LYST: variants seen among roughly 807,000 people sequenced by gnomAD.
LYST encodes the protein lysosomal trafficking regulator, also known as lysosomal-trafficking regulator.
Under a neutral mutation model 413.6 loss-of-function variants are expected in LYST, and 192 were observed. That is an observed-to-expected ratio of 0.46 (90% CI 0.41 to 0.52). The LOEUF (loss-of-function observed/expected upper bound fraction) is 0.52. Among genes scored for constraint, LYST ranks in the 20% least tolerant of loss-of-function variants. The pLI, the probability that LYST is intolerant of heterozygous loss-of-function variation, is 0.00. For synonymous variants in LYST, 1,525 were observed against 1,567.3 expected (o/e 0.97, Z 0.64); for missense variants, 3,815 against 4,499.9 (o/e 0.85, Z 4.35).
chr1:235,746,476 C>T lies in LYST; in HGVS notation c.7832G>A (p.Arg2611His), dbSNP rs147536126. 4.7e-5 allele frequency: 76 copies of T among 1,613,642 alleles called. No homozygotes were observed. Among genetic ancestry groups the T allele is most frequent in the Non-Finnish European group, 5.9e-5 (70 of 1,179,846 alleles). The stretch of plus-strand genomic sequence containing the variant: ...ATGAAGCTCATCATTTGCCACTGAA[C>T]GCATTTTCATCAGAAGCGATTCAGT... Reference protein sequence around the residue: ...AQTESLLMKMRSVANDELHVM... With the variant: ...AQTESLLMKMHSVANDELHVM... The change falls in exon 29 of 53, where the codon CGT becomes CAT. Residue 2611 changes from arginine (R) to histidine (H), a missense_variant. Coordinates refer to ENST00000389793, the MANE Select transcript of LYST (RefSeq NM_000081.4).
At chr1:235,675,467 C>T (rs1006168570) in intron 50 of LYST, among the ~76,000 whole-genome samples, 3 of 152,106 alleles carry the variant, frequency 2.0e-5, no homozygotes, top group South Asian at 2.1e-4. Context: ...TACGATCGGT[C>T]GGTCGGACGC....
At position 235,854,544 on chromosome 1, in the gene LYST, T is replaced by C. The variant is rs1322756925; in HGVS notation, c.-98+12299A>G. Among the ~76,000 whole-genome samples the C allele has an allele frequency of 6.6e-6, 1 of 152,190 alleles. No individual in the cohort carries two copies. The highest frequency in any genetic ancestry group is 1.5e-5 in the Non-Finnish European group (1 of 68,028). On this transcript the variant is annotated intron_variant, in intron 1 of 52. Coordinates refer to ENST00000389793, the MANE Select transcript of LYST (RefSeq NM_000081.4). This position sits in a 1 kb window ranked among gnomAD's most constrained non-coding sequence, Gnocchi z 4.1. ...CCTCTTGACCACTTACTGGTTCACC[T>C]CTGCATCTGCTGCTCTATGACCTTG...
chr1:235,729,459 T>C (rs933249932), intron 37 of LYST, 137 bp downstream of exon 37: 6 of 689,228 alleles, frequency 8.7e-6, no homozygotes, highest in Non-Finnish European at 1.6e-5. Flanking sequence ...ACATATAATG[T>C]TAAGGCAAAT....
chr1:235,710,008 C>T (rs1662289342), intron 43 of LYST, among the ~76,000 whole-genome samples: 1 of 152,048 alleles, frequency 6.6e-6, no homozygotes, highest in African/African-American at 2.4e-5. Context: ...AAAAAATTAT[C>T]CTAAAGGAAA....
At chr1:235,737,895 G>C in intron 31 of LYST, 3 of 1,137,584 alleles carry the variant, frequency 2.6e-6, no homozygotes, top group Non-Finnish European at 3.2e-6. Context: ...GGTAGCGAAG[G>C]TGCTGGAGCC....
intron 21 of LYST, 51 bp from the exon 22 acceptor site, chr1:235,762,902 C>T (rs569503297): frequency 2.2e-5 from 30 of 1,388,088 alleles, no homozygotes; most frequent in East Asian, 4.6e-5. Context: ...AAGGATAAAA[C>T]GAAAATATAA....
At chr1:235,772,753 A>G (rs140059213) in intron 19 of LYST, among the ~76,000 whole-genome samples, 182 of 152,210 alleles carry the variant, frequency 1.2e-3, no homozygotes, top group African/African-American at 4.3e-3. Flanking sequence ...CCTCTCCTGG[A>G]CCTGACTCCC....
At chr1:235,882,859 C>A (rs924738806) in intron 1 of LYST, among the ~76,000 whole-genome samples, 5 of 152,166 alleles carry the variant, frequency 3.3e-5, no homozygotes, top group Non-Finnish European at 7.4e-5. Context: ...TACGCCATGA[C>A]CCAGACAAAT....
chr1:235,663,127 G>T, intron 52 of LYST, 49 bp from the exon 53 acceptor site: 1 of 1,297,022 alleles, frequency 7.7e-7, no homozygotes, highest in Non-Finnish European at 1.1e-6. Context: ...TCTTAAAAGT[G>T]TATTAGCATA....
chr1:235,758,333 C>T (rs1165110705), intron 23 of LYST, among the ~76,000 whole-genome samples: 1 of 152,162 alleles, frequency 6.6e-6, no homozygotes, highest in Non-Finnish European at 1.5e-5. Context: ...AAATACAACG[C>T]CTAGGCAATG....
rs765542988 is a variant in LYST at position 235,664,426 on chromosome 1, T to C, written c.11195+39A>G. The C allele has an allele frequency of 6.3e-7, 1 of 1,591,878 alleles. No individual in the cohort carries two copies. Among genetic ancestry groups the C allele is most frequent in the Non-Finnish European group, 8.6e-7 (1 of 1,160,354 alleles). On this transcript the variant is annotated intron_variant, in intron 51 of 52. Transcript: ENST00000389793. The surrounding 1 kb of genome is among the most constrained non-coding windows in gnomAD (Gnocchi z 4.5). ...AATTTCTGAAACTCCTGTGTCCTTATGAATGAAATCAAAAAAAGAGAATCC... is the reference window on the plus strand; with the variant it reads ...AATTTCTGAAACTCCTGTGTCCTTACGAATGAAATCAAAAAAAGAGAATCC...
chr1:235,687,010 A>T lies in LYST; in HGVS notation c.10739T>A (p.Leu3580Gln). Reference protein sequence around the residue: ...SCAWVPDSCQLFTGSKCGVIT... With the variant: ...SCAWVPDSCQQFTGSKCGVIT... ...GACACCGCATTTGCTTCCAGTAAAC[A>T]GCTGGCAACTGTCAGGCACCCAAGC... is the stretch of plus-strand genomic sequence containing the variant. Residue 3580 changes from leucine to glutamine, a missense_variant, in exon 48 of 53, where the codon CTG becomes CAG. By Grantham distance (113) the Leu-to-Gln change is moderately radical. Transcript: ENST00000389793. 1 of 1,614,120 alleles carries T rather than the reference A, an allele frequency of 6.2e-7. No homozygotes were observed. Among genetic ancestry groups the T allele is most frequent in the Non-Finnish European group, 8.5e-7 (1 of 1,179,982 alleles).
rs71174462 is a variant in LYST at position 235,798,578 on chromosome 1, T to TAAAAAAAAAAAAAAAAAAAA, written c.4006+1722_4006+1741dup. ...TGGCGACAAGGGCAAAACCCTGTCA[T>TAAAAAAAAAAAAAAAAAAAA]AAAAAAAAAAAAAAAAAAAAAAAAA... is the stretch of plus-strand genomic sequence containing the variant. On this transcript the variant is annotated intron_variant, in intron 10 of 52. Coordinates refer to ENST00000389793, the MANE Select transcript of LYST (RefSeq NM_000081.4). Among the ~76,000 whole-genome samples the TAAAAAAAAAAAAAAAAAAAA allele has an allele frequency of 1.5e-4, 12 of 81,710 alleles. 1 individual carries two copies. The highest frequency in any genetic ancestry group is 2.8e-4 in the Admixed American group (2 of 7,196). The allele number at this position is 81,710 out of a possible 152,430, so 53.6% of individuals were successfully genotyped here.
intron 1 of LYST, among the ~76,000 whole-genome samples, chr1:235,877,974 TAG>T (rs749363982): frequency 6.6e-6 from 1 of 152,008 alleles, no homozygotes; most frequent in Non-Finnish European, 1.5e-5. Context: ...AGGGTGTTAC[TAG>T]ATTCTAGAAA....
intron 38 of LYST, among the ~76,000 whole-genome samples, chr1:235,725,160 G>A (rs1256413175): frequency 1.3e-5 from 2 of 152,222 alleles, no homozygotes; most frequent in African/African-American, 4.8e-5. Context: ...TAGGCCGGGT[G>A]CGGTGGCTCA....
chr1:235,746,050 CTCTG>C (rs1213401110), intron 29 of LYST, among the ~76,000 whole-genome samples: 1 of 152,130 alleles, frequency 6.6e-6, no homozygotes, highest in Non-Finnish European at 1.5e-5. Context: ...CAGGGTCTCT[CTCTG>C]TATTATTCCT....
intron 44 of LYST, among the ~76,000 whole-genome samples, chr1:235,704,747 T>G (rs1197641361): frequency 6.6e-6 from 1 of 152,252 alleles, no homozygotes; most frequent in Non-Finnish European, 1.5e-5. Context: ...GCAGAAGCTC[T>G]TAAGTTAGAT....
At chr1:235,825,879 TA>T (rs1400219620) in intron 3 of LYST, among the ~76,000 whole-genome samples, 9 of 152,186 alleles carry the variant, frequency 5.9e-5, no homozygotes, top group Non-Finnish European at 1.2e-4. Flanking sequence ...AAACTTTCTT[TA>T]AAAACAAGAA....
At chr1:235,828,337 A>C (rs1286089629) in intron 3 of LYST, 2 of 174,038 alleles carry the variant, frequency 1.1e-5, no homozygotes, top group African/African-American at 2.4e-5. Context: ...AAAATATTCC[A>C]AAATTAACTG....
Sources: allele counts gnomAD v4.1 joint callset (sites outside exome capture counted in the v4.1 genomes callset), GRCh38; gene constraint gnomAD v4.1.1; non-coding constraint Gnocchi (gnomAD v3.1); transcripts MANE v1.5; gene names NCBI Gene and HGNC (gene_info 2026-07-23, HGNC 2026-07-21).